Variants in WDR72 observed in about 807,000 individuals in gnomAD.
WDR72 encodes the protein WD repeat domain 72.
A neutral mutation model predicts 124.2 loss-of-function variants in WDR72; 120 were observed. The observed-to-expected ratio is 0.97, with a 90% CI of 0.83 to 1.12. WDR72 has a LOEUF of 1.12. Among genes scored for constraint, WDR72 ranks in the 50% most tolerant of loss-of-function variants. The pLI, the probability that WDR72 is intolerant of heterozygous loss-of-function variation, is 0.00. For missense variants in WDR72, 1,387 were observed against 1,278.8 expected (o/e 1.08, Z -1.29); for synonymous variants, 452 against 441.7 (o/e 1.02, Z -0.29).
intron 18 of WDR72, among the ~76,000 whole-genome samples, chr15:53,551,103 G>T (rs1893709810): frequency 6.6e-6 from 1 of 152,094 alleles, no homozygotes; most frequent in African/African-American, 2.4e-5. Flanking sequence ...CAATGGGAAA[G>T]ATTACAGGTT....
chr15:53,706,348 G>GTATGTA (rs1450540976), intron 9 of WDR72, among the ~76,000 whole-genome samples: 9 of 57,386 alleles, frequency 1.6e-4, no homozygotes, highest in Admixed American at 3.9e-4. Flanking sequence ...GTGTGTGTGT[G>GTATGTA]TGTATATATA....
At chr15:53,709,777 G>A (rs1017263252) in intron 9 of WDR72, among the ~76,000 whole-genome samples, 3 of 152,162 alleles carry the variant, frequency 2.0e-5, no homozygotes, top group Non-Finnish European at 4.4e-5. Context: ...ATTTTTGGCT[G>A]ACAGTTTCTT....
At chr15:53,724,213 T>C (rs1027085530) in intron 2 of WDR72, among the ~76,000 whole-genome samples, 2 of 152,212 alleles carry the variant, frequency 1.3e-5, no homozygotes, top group Admixed American at 6.5e-5. Flanking sequence ...ACATAAGTTT[T>C]GGGATCTAAT....
chr15:53,724,849 CG>C (rs1478616007), intron 2 of WDR72, among the ~76,000 whole-genome samples: 6 of 152,046 alleles, frequency 3.9e-5, no homozygotes, highest in African/African-American at 1.4e-4. Context: ...AATATAAAAA[CG>C]ACTAAAATTC....
At chr15:53,744,384 C>T (rs1027511577) in intron 1 of WDR72, among the ~76,000 whole-genome samples, 1 of 152,128 alleles carries the variant, frequency 6.6e-6, no homozygotes, top group Non-Finnish European at 1.5e-5. Flanking sequence ...AAACTATATC[C>T]ACGTCTAAGA....
intron 18 of WDR72, among the ~76,000 whole-genome samples, chr15:53,535,158 G>C (rs1892695049): frequency 6.6e-6 from 1 of 152,118 alleles, no homozygotes; most frequent in Non-Finnish European, 1.5e-5. Flanking sequence ...ATGGAAACAT[G>C]ATTTTTACAT....
intron 13 of WDR72, among the ~76,000 whole-genome samples, chr15:53,688,743 G>C (rs956576014): frequency 1.1e-4 from 16 of 152,062 alleles, no homozygotes; most frequent in African/African-American, 3.6e-4. Context: ...CCAAAAAAGA[G>C]CCCGCATCGC....
At chr15:53,593,200 C>T (rs16966254) in intron 18 of WDR72, among the ~76,000 whole-genome samples, 18,475 of 151,870 alleles carry the variant, frequency 0.12, 1,611 homozygotes, top group African/African-American at 0.24. Context: ...TCTGCATTTC[C>T]TTTAGTAAGA....
At chr15:53,615,286 T>C in intron 15 of WDR72, 140 bp downstream of exon 15, 1 of 645,714 alleles carries the variant, frequency 1.5e-6, no homozygotes, top group Non-Finnish European at 2.5e-6. Flanking sequence ...TTCTTAAATG[T>C]TTTTTAAACC....
chr15:53,737,618 T>G (rs1221519705), intron 1 of WDR72, among the ~76,000 whole-genome samples: 1 of 152,056 alleles, frequency 6.6e-6, no homozygotes, highest in East Asian at 1.9e-4. Flanking sequence ...GATAATAGTC[T>G]CTAGATACTC....
chr15:53,563,317 C>A (rs188614493), intron 18 of WDR72, among the ~76,000 whole-genome samples: 36 of 151,886 alleles, frequency 2.4e-4, no homozygotes, highest in Admixed American at 4.0e-4. Context: ...TATTTTAAGT[C>A]TCTCTACCTG....
chr15:53,636,884 G>T (rs2014642596), intron 14 of WDR72, among the ~76,000 whole-genome samples: 1 of 152,086 alleles, frequency 6.6e-6, no homozygotes, highest in Admixed American at 6.6e-5. Flanking sequence ...ATGGTCATTT[G>T]CATAGTATAT....
chr15:53,634,286 C>T (rs2014543233), intron 14 of WDR72, among the ~76,000 whole-genome samples: 1 of 152,156 alleles, frequency 6.6e-6, no homozygotes, highest in East Asian at 1.9e-4. Flanking sequence ...TGGGTTTTCA[C>T]CTTGCCTCCC....
rs886051280 is a variant in WDR72, at chr15:53,514,229, G to C, written c.*3470C>G. The C allele has an allele frequency of 6.6e-6, 1 of 152,106 alleles. No homozygotes were observed. The highest frequency in any genetic ancestry group is 2.4e-5 in the African/African-American group (1 of 41,422). 9.4% of individuals were successfully genotyped at this position (152,106 alleles called of 1,614,324 possible). A position where few individuals can be genotyped will look rare whatever the true frequency, so the allele number is the denominator to read the frequency against. Reference sequence around the variant, plus strand: ...ACAACTTTTGGCACTTTACATATAAGACAACATTTTGTGGAGAATAAAGGA... The same window carrying C: ...ACAACTTTTGGCACTTTACATATAACACAACATTTTGTGGAGAATAAAGGA... On this transcript the variant is annotated 3_prime_UTR_variant, in exon 20 of 20. Transcript: ENST00000360509.
chr15:53,734,628 GT>G lies in WDR72; in HGVS notation c.-12-1468del, dbSNP rs144555785. ...ATAAGTATTAGAACTAAATTAGTAT[GT>G]GGCTTTTTGGCTAGGAGTTTGCATA... is the stretch of plus-strand genomic sequence containing the variant. On this transcript the variant is annotated intron_variant, in intron 1 of 19. Coordinates refer to ENST00000360509, the MANE Select transcript of WDR72 (RefSeq NM_182758.4). 8.9e-3 allele frequency among the ~76,000 whole-genome samples: 1,354 copies of G among 152,202 alleles called. 30 individuals are homozygous for G. The highest frequency in any genetic ancestry group is 0.031 in the African/African-American group (1,296 of 41,522).
At chr15:53,626,404 G>C (rs2014209516) in intron 14 of WDR72, among the ~76,000 whole-genome samples, 1 of 152,200 alleles carries the variant, frequency 6.6e-6, no homozygotes, top group South Asian at 2.1e-4. Flanking sequence ...GCTGGATCAG[G>C]AGCACAGCGG....
intron 18 of WDR72, among the ~76,000 whole-genome samples, chr15:53,555,555 G>A (rs1157010662): frequency 6.6e-6 from 1 of 151,888 alleles, no homozygotes; most frequent in African/African-American, 2.4e-5. Flanking sequence ...CCTTCATGTT[G>A]TAATAAATAT....
chr15:53,580,231 A>G (rs142402779), intron 18 of WDR72, among the ~76,000 whole-genome samples: 17 of 152,262 alleles, frequency 1.1e-4, no homozygotes, highest in South Asian at 2.1e-4. Flanking sequence ...GCATAATTTA[A>G]GCCTAAAATC....
At chr15:53,658,552 G>A (rs2015507186) in intron 14 of WDR72, among the ~76,000 whole-genome samples, 1 of 151,922 alleles carries the variant, frequency 6.6e-6, no homozygotes, top group Non-Finnish European at 1.5e-5. Flanking sequence ...TATACAAAAA[G>A]GTATACACAC....
Sources: allele counts gnomAD v4.1 joint callset (sites outside exome capture counted in the v4.1 genomes callset), GRCh38; gene constraint gnomAD v4.1.1; transcripts MANE v1.5; gene names NCBI Gene and HGNC (gene_info 2026-07-23, HGNC 2026-07-21).